Variants in STIM2 observed in about 807,000 individuals in gnomAD.
STIM2 encodes the protein stromal interaction molecule 2.
In STIM2, 31 loss-of-function variants were observed where a neutral mutation model predicts 85.8. The observed-to-expected ratio is 0.36, with a 90% CI of 0.27 to 0.49. The LOEUF is 0.49. Ranked by LOEUF, STIM2 falls within the 20% of genes least tolerant of loss-of-function variation. STIM2 has a pLI of 0.98. For missense variants in STIM2, 841 were observed against 927.6 expected (o/e 0.91, Z 1.21); for synonymous variants, 356 against 331.1 (o/e 1.08, Z -0.82).
At chr4:27,003,427 G>T (rs966275140) in intron 7 of STIM2, among the ~76,000 whole-genome samples, 8 of 152,146 alleles carry the variant, frequency 5.3e-5, no homozygotes, top group African/African-American at 1.9e-4. Flanking sequence ...AAGATATAAA[G>T]TATATCTAAT....
At chr4:27,003,643 T>C (rs1728234209) in intron 7 of STIM2, among the ~76,000 whole-genome samples, 1 of 151,940 alleles carries the variant, frequency 6.6e-6, no homozygotes, top group South Asian at 2.1e-4. Flanking sequence ...AATTTAATTA[T>C]AGACAGATGC....
chr4:27,018,102 A>T lies in STIM2; in HGVS notation c.1763+118A>T, dbSNP rs990463384. ...TTCTGTTGCTACATATCAAGGTACC[A>T]CAGACTTTGCAGCCTCAGACATCAC... On this transcript the variant is annotated intron_variant, in intron 11 of 11. Coordinates refer to ENST00000467087, the MANE Select transcript of STIM2 (RefSeq NM_020860.4). 6 of 1,439,982 alleles carry T rather than the reference A, an allele frequency of 4.2e-6. No homozygotes were observed. The African/African-American group carries it at 8.4e-5, about 20-fold the overall frequency. 89.2% of individuals were successfully genotyped at this position (1,439,982 alleles called of 1,614,324 possible). A position where few individuals can be genotyped will look rare whatever the true frequency, so the allele number is the denominator to read the frequency against.
At chr4:26,962,559 AGTGTGTGTGTGTGTGTGT>A (rs34301656) in intron 3 of STIM2, among the ~76,000 whole-genome samples, 18 of 142,720 alleles carry the variant, frequency 1.3e-4, no homozygotes, top group South Asian at 7.0e-4. Flanking sequence ...ACTTTAATGC[AGTGTGTGTGTGTGTGTGT>A]GTGTGTGTGT....
intron 1 of STIM2, among the ~76,000 whole-genome samples, chr4:26,877,579 A>G (rs1316638468): frequency 6.6e-6 from 1 of 151,338 alleles, no homozygotes; most frequent in Non-Finnish European, 1.5e-5. Context: ...ACCTGTGTCT[A>G]GAAATGCGTA....
At chr4:26,960,211 A>G (rs1185055076) in intron 3 of STIM2, among the ~76,000 whole-genome samples, 2 of 152,220 alleles carry the variant, frequency 1.3e-5, no homozygotes, top group Non-Finnish European at 2.9e-5. Context: ...AGAAACGAAA[A>G]GTAGTTCTTC....
At chr4:26,905,974 A>G (rs1399195891) in intron 1 of STIM2, among the ~76,000 whole-genome samples, 1 of 152,286 alleles carries the variant, frequency 6.6e-6, no homozygotes, top group East Asian at 1.9e-4. Context: ...ATATATACAT[A>G]AAATATATAG....
At chr4:26,894,133 C>T (rs1284270091) in intron 1 of STIM2, among the ~76,000 whole-genome samples, 6 of 152,178 alleles carry the variant, frequency 3.9e-5, no homozygotes, top group East Asian at 1.9e-4. Context: ...GTGATCCACC[C>T]GCCTCGGCCT....
intron 1 of STIM2, among the ~76,000 whole-genome samples, chr4:26,916,398 T>G (rs1029544770): frequency 6.6e-6 from 1 of 152,198 alleles, no homozygotes; most frequent in Non-Finnish European, 1.5e-5. Flanking sequence ...GGAGGCATGG[T>G]CTGTTGAGTG....
At chr4:27,001,281 C>G (rs1198634766) in intron 5 of STIM2, among the ~76,000 whole-genome samples, 1 of 152,074 alleles carries the variant, frequency 6.6e-6, no homozygotes, top group East Asian at 1.9e-4. Flanking sequence ...CGAGAGAGCC[C>G]CGTGAAAATT....
intron 1 of STIM2, among the ~76,000 whole-genome samples, chr4:26,893,833 GATTGTCT>G (rs1460953037): frequency 1.3e-5 from 2 of 151,984 alleles, no homozygotes; most frequent in Non-Finnish European, 2.9e-5. Context: ...CTCTTTTGGA[GATTGTCT>G]ATTTAAGTCT....
At chr4:26,999,204 T>A in intron 4 of STIM2, 28 bp from the exon 5 acceptor site, 1 of 1,084,182 alleles carries the variant, frequency 9.2e-7, no homozygotes, top group Non-Finnish European at 1.3e-6. Context: ...TATATATATA[T>A]ATGTGTGTGT....
intron 3 of STIM2, among the ~76,000 whole-genome samples, chr4:26,959,041 G>A (rs1726353624): frequency 6.6e-6 from 1 of 152,142 alleles, no homozygotes; most frequent in Non-Finnish European, 1.5e-5. Context: ...AATTGTGACA[G>A]CCTAATTCAT....
rs1577437880 is a variant in STIM2 at position 26,919,649 on chromosome 4, G to C, written c.282+15G>C. ...AAAGTGATGAAGTAGGTGGAAAAAT[G>C]TTTTCCTTGCTATTGTCTTAGAACA... On this transcript the variant is annotated intron_variant, in intron 2 of 11. Coordinates refer to ENST00000467087, the MANE Select transcript of STIM2 (RefSeq NM_020860.4). 6.2e-7 allele frequency: 1 copy of C among 1,612,932 alleles called. No individual in the cohort carries two copies.
At chr4:26,911,683 A>T (rs557675236) in intron 1 of STIM2, among the ~76,000 whole-genome samples, 1 of 152,184 alleles carries the variant, frequency 6.6e-6, no homozygotes, top group Admixed American at 6.5e-5. Context: ...TAGTCCAGTT[A>T]CAACTTTCCC....
At chr4:26,981,072 T>C (rs760233179) in intron 3 of STIM2, among the ~76,000 whole-genome samples, 21 of 152,180 alleles carry the variant, frequency 1.4e-4, no homozygotes, top group Non-Finnish European at 2.5e-4. Flanking sequence ...CTTTCCCAGA[T>C]AGACAAAATC....
intron 3 of STIM2, among the ~76,000 whole-genome samples, chr4:26,974,341 C>G (rs1382792046): frequency 6.6e-6 from 1 of 152,186 alleles, no homozygotes. Flanking sequence ...ATGGTCTTTA[C>G]AATTTGGCAT....
intron 7 of STIM2, 77 bp from the exon 8 acceptor site, chr4:27,007,456 G>A: frequency 1.1e-6 from 1 of 906,686 alleles, no homozygotes; most frequent in South Asian, 3.5e-5. Context: ...TTTTTTTTTA[G>A]TTTGGGTTCT....
intron 3 of STIM2, among the ~76,000 whole-genome samples, chr4:26,993,728 C>G (rs1179198209): frequency 6.6e-6 from 1 of 152,132 alleles, no homozygotes; most frequent in Non-Finnish European, 1.5e-5. Context: ...CTCATCATTA[C>G]TCTTCATAAG....
intron 2 of STIM2, among the ~76,000 whole-genome samples, chr4:26,935,474 G>C (rs1725360046): frequency 6.6e-6 from 1 of 152,202 alleles, no homozygotes; most frequent in Non-Finnish European, 1.5e-5. Flanking sequence ...GAAAGAAGTA[G>C]ATGAAAATGG....
Sources: allele counts gnomAD v4.1 joint callset (sites outside exome capture counted in the v4.1 genomes callset), GRCh38; gene constraint gnomAD v4.1.1; transcripts MANE v1.5; gene names NCBI Gene and HGNC (gene_info 2026-07-23, HGNC 2026-07-21).